The following NR6A1 variants were observed in gnomAD, a reference collection of about 807,000 sequenced individuals.
NR6A1 encodes the protein nuclear receptor subfamily 6 group A member 1.
Under a neutral mutation model 59.1 loss-of-function variants are expected in NR6A1, and 7 were observed. The observed-to-expected ratio is 0.12, with a 90% confidence interval of 0.07 to 0.22. NR6A1 has a LOEUF of 0.22. Among genes scored for constraint, NR6A1 ranks in the 10% least tolerant of loss-of-function variants. The probability of loss-of-function intolerance (pLI) is 1.00; values close to 1 mark genes in which losing one functional copy is unlikely to be tolerated. For synonymous variants in NR6A1, 243 were observed against 236.1 expected, an observed-to-expected ratio of 1.03 and a Z score of -0.27; for missense variants, 468 against 611.6, an observed-to-expected ratio of 0.77 and a Z score of 2.48.
At chr9:124,685,136 G>A (rs1369971246) in intron 2 of NR6A1, among the ~76,000 whole-genome samples, 1 of 152,124 alleles carries the variant, frequency 6.6e-6, no homozygotes, top group Non-Finnish European at 1.5e-5. Context: ...TTCTTCATCT[G>A]TTAAATTAAG....
rs149994727 is a variant in NR6A1, at chr9:124,583,910, T to C, written c.143-29340A>G. Among the ~76,000 whole-genome samples the C allele has an allele frequency of 5.5e-3, 832 of 152,234 alleles. 6 individuals carry two copies. The highest frequency in any genetic ancestry group is 0.019 in the African/African-American group (790 of 41,540). ...CTATCAGTATGCCCCGAACACTTCA[T>C]TACACTTATTTATGTGAGGATCTAT... is the stretch of plus-strand genomic sequence containing the variant. On this transcript the variant is annotated intron_variant, in intron 2 of 9. Coordinates refer to ENST00000487099, the MANE Select transcript of NR6A1 (RefSeq NM_033334.4).
intron 2 of NR6A1, among the ~76,000 whole-genome samples, chr9:124,614,639 T>G (rs1015306034): frequency 6.6e-6 from 1 of 152,184 alleles, no homozygotes; most frequent in African/African-American, 2.4e-5. Context: ...ATACTCTGCC[T>G]TAGGCTCCTC....
rs7026100 is a variant in NR6A1, at chr9:124,651,352, C to G, written c.142+81956G>C. ...GGAATTACAGGCATGAGCCACTGCG[C>G]CCAGCCACTGGCTCTGTCTTACTAA... On this transcript the variant is annotated intron_variant, in intron 2 of 9. Transcript: ENST00000487099. 7.5e-3 allele frequency among the ~76,000 whole-genome samples: 1,149 copies of G among 152,296 alleles called. 16 individuals are homozygous for G. The highest frequency in any genetic ancestry group is 0.027 in the African/African-American group (1,114 of 41,550).
intron 2 of NR6A1, among the ~76,000 whole-genome samples, chr9:124,714,965 C>T (rs932122506): frequency 1.1e-4 from 17 of 152,056 alleles, no homozygotes; most frequent in Admixed American, 2.0e-4. Context: ...TTTCGGAGGC[C>T]GAGGCGGGCA....
chr9:124,600,049 T>C (rs539057540), intron 2 of NR6A1, among the ~76,000 whole-genome samples: 5 of 152,332 alleles, frequency 3.3e-5, no homozygotes, highest in African/African-American at 4.8e-5. Context: ...TCTGCCTTAT[T>C]TGTTTTTAAG....
chr9:124,617,725 G>A (rs922741796), intron 2 of NR6A1, among the ~76,000 whole-genome samples: 2 of 152,092 alleles, frequency 1.3e-5, no homozygotes, highest in African/African-American at 4.8e-5. Context: ...ATTAAGCCTG[G>A]GGAGTGAAGA....
intron 2 of NR6A1, among the ~76,000 whole-genome samples, chr9:124,637,805 T>C (rs1397685244): frequency 6.6e-6 from 1 of 150,620 alleles, no homozygotes; most frequent in East Asian, 1.9e-4. Context: ...GGCACGATAA[T>C]TGCTTGAACC....
intron 2 of NR6A1, among the ~76,000 whole-genome samples, chr9:124,558,605 T>C (rs1833992488): frequency 6.6e-6 from 1 of 152,190 alleles, no homozygotes; most frequent in African/African-American, 2.4e-5. Flanking sequence ...ATTACTGTGC[T>C]GAATAATCAC....
chr9:124,582,926 A>G (rs1834816177), intron 2 of NR6A1, among the ~76,000 whole-genome samples: 1 of 152,212 alleles, frequency 6.6e-6, no homozygotes, highest in Non-Finnish European at 1.5e-5. Context: ...GGAGGTGGTT[A>G]CAGAGATTAC....
chr9:124,554,182 G>T, intron 3 of NR6A1, 146 bp downstream of exon 3: 1 of 1,244,602 alleles, frequency 8.0e-7, no homozygotes, highest in Non-Finnish European at 1.1e-6. Flanking sequence ...GGTCTTATAG[G>T]CAAGAATGGT....
chr9:124,520,557 T>A lies in NR6A1; in HGVS notation c.*2148A>T, dbSNP rs1393721844. ...CACCCAACACAACGGGTAAAATGTTTAATTTGAAAAGCAATTTCAAAAATA... is the reference window on the plus strand; with the variant it reads ...CACCCAACACAACGGGTAAAATGTTAAATTTGAAAAGCAATTTCAAAAATA... On this transcript the variant is annotated 3_prime_UTR_variant, in exon 10 of 10. Coordinates refer to ENST00000487099, the MANE Select transcript of NR6A1 (RefSeq NM_033334.4). 2 of 152,240 alleles carry A rather than the reference T, an allele frequency of 1.3e-5. No homozygotes were observed. Among genetic ancestry groups the A allele is most frequent in the East Asian group, 3.8e-4 (2 of 5,202 alleles). The allele number at this position is 152,240 out of a possible 1,614,324, so 9.4% of individuals were successfully genotyped here. A position where few individuals can be genotyped will look rare whatever the true frequency, so the allele number is the denominator to read the frequency against.
At chr9:124,688,848 G>A (rs1001102376) in intron 2 of NR6A1, among the ~76,000 whole-genome samples, 3 of 152,082 alleles carry the variant, frequency 2.0e-5, no homozygotes, top group South Asian at 2.1e-4. Context: ...AATCCATAGC[G>A]GATTTTTAAA....
intron 2 of NR6A1, among the ~76,000 whole-genome samples, chr9:124,709,363 C>T (rs1427927103): frequency 6.6e-6 from 1 of 152,156 alleles, no homozygotes; most frequent in Non-Finnish European, 1.5e-5. Flanking sequence ...TATACTCCTT[C>T]CTAAGTGTTT....
chr9:124,594,171 C>A (rs4568699), intron 2 of NR6A1, among the ~76,000 whole-genome samples: 16,787 of 152,152 alleles, frequency 0.11, 2,449 homozygotes, highest in African/African-American at 0.33. Context: ...CAACTGGGAT[C>A]ATTCATTTTG....
intron 2 of NR6A1, among the ~76,000 whole-genome samples, chr9:124,690,402 C>T (rs1838497523): frequency 6.6e-6 from 1 of 152,088 alleles, no homozygotes; most frequent in African/African-American, 2.4e-5. Flanking sequence ...TATTGGAAAC[C>T]ACCAATATTT....
chr9:124,729,196 G>C (rs1466376531), intron 2 of NR6A1, among the ~76,000 whole-genome samples: 1 of 152,052 alleles, frequency 6.6e-6, no homozygotes, highest in Non-Finnish European at 1.5e-5. Context: ...TTCTATTGAG[G>C]GAAAGGTCAC....
intron 1 of NR6A1, among the ~76,000 whole-genome samples, chr9:124,740,869 G>C (rs1588844851): frequency 1.3e-5 from 2 of 152,124 alleles, no homozygotes; most frequent in East Asian, 3.9e-4. Context: ...GATAACCCCA[G>C]CCCTGGGCCT....
intron 2 of NR6A1, among the ~76,000 whole-genome samples, chr9:124,568,007 C>T (rs71495526): frequency 5.3e-5 from 8 of 150,304 alleles, no homozygotes; most frequent in African/African-American, 1.9e-4. Context: ...AACCCCATCT[C>T]TACTAAAAAT....
chr9:124,687,210 C>T (rs1838361813), intron 2 of NR6A1, among the ~76,000 whole-genome samples: 1 of 151,918 alleles, frequency 6.6e-6, no homozygotes, highest in Non-Finnish European at 1.5e-5. Flanking sequence ...TAGCCTCAAA[C>T]TCCTGAACTC....
Sources: gnomAD v4.1 joint callset for allele counts (sites outside exome capture counted in the v4.1 genomes callset) on GRCh38, gnomAD v4.1.1 for gene constraint, MANE v1.5 for transcripts, NCBI Gene and HGNC (gene_info 2026-07-23, HGNC 2026-07-21) for gene names.